The following RNF220 variants were observed in gnomAD, a reference collection of about 807,000 sequenced individuals.
RNF220 encodes the protein ring finger protein 220.
RNF220 carries 7 observed loss-of-function variants against 67.1 expected under a neutral mutation model. The observed-to-expected ratio is 0.10, with a 90% CI of 0.06 to 0.20. The LOEUF (loss-of-function observed/expected upper bound fraction) is 0.20. Among genes scored for constraint, RNF220 ranks in the 10% least tolerant of loss-of-function variants. The probability of loss-of-function intolerance (pLI) is 1.00; values close to 1 mark genes in which losing one functional copy is unlikely to be tolerated. For synonymous variants in RNF220, 270 were observed against 283.2 expected (o/e 0.95, Z 0.47); for missense variants, 565 against 740.3 (o/e 0.76, Z 2.75).
intron 5 of RNF220, chr1:44,631,771 C>T: frequency 2.7e-6 from 1 of 372,402 alleles, no homozygotes; most frequent in Non-Finnish European, 3.7e-6. Flanking sequence ...CGGGAGGGGT[C>T]GTGGAGTGGG....
At chr1:44,525,388 C>T (rs546484291) in intron 2 of RNF220, among the ~76,000 whole-genome samples, 13 of 152,288 alleles carry the variant, frequency 8.5e-5, no homozygotes, top group Non-Finnish European at 1.5e-4. Context: ...GCTCAGCAGA[C>T]GCATCTCATC....
At chr1:44,644,843 A>G (rs746181029) in intron 9 of RNF220, 49 bp downstream of exon 9, 22 of 1,556,016 alleles carry the variant, frequency 1.4e-5, no homozygotes, top group Non-Finnish European at 2.0e-5. Context: ...GGGCAGGCAC[A>G]GGGAATAAGA....
chr1:44,645,455 T>C lies in RNF220; in HGVS notation c.1412T>C (p.Met471Thr), dbSNP rs1644613203. Residue 471 changes from methionine (M) to threonine (T), a missense_variant, in exon 12 of 15, where the codon ATG (methionine) becomes ACG (threonine). By Grantham distance (81) the Met-to-Thr change is moderately conservative. Transcript: ENST00000361799. This position sits in a 1 kb window ranked among gnomAD's most constrained non-coding sequence, Gnocchi z 5.0. ...GGTGAAAGCAGCAAGCAGGAGGCCATGCAGAAGACCTGCAAGAACAGCGAC... is the reference window on the plus strand; with the variant it reads ...GGTGAAAGCAGCAAGCAGGAGGCCACGCAGAAGACCTGCAAGAACAGCGAC... Reference protein sequence around the residue: ...SNGESSKQEAMQKTCKNSDIE... With the variant: ...SNGESSKQEATQKTCKNSDIE... The C allele has an allele frequency of 1.9e-6, 3 of 1,614,044 alleles. No individual in the cohort carries two copies. The highest frequency in any genetic ancestry group is 2.5e-6 in the Non-Finnish European group (3 of 1,180,010).
intron 2 of RNF220, among the ~76,000 whole-genome samples, chr1:44,441,421 A>G (rs1651540041): frequency 6.6e-6 from 1 of 152,232 alleles, no homozygotes; most frequent in African/African-American, 2.4e-5. Flanking sequence ...CTAAGCTGGC[A>G]TGAGTGAATG....
At chr1:44,421,606 C>G (rs1649224206) in intron 2 of RNF220, among the ~76,000 whole-genome samples, 1 of 37,452 alleles carries the variant, frequency 2.7e-5, no homozygotes, top group Non-Finnish European at 5.3e-5. Context: ...GGGGGGCTGC[C>G]TGGGGAGGGA....
In RNF220 at chr1:44,635,561, G is replaced by T; in HGVS notation, c.966G>T (p.Met322Ile). 6.2e-7 allele frequency: 1 copy of T among 1,614,174 alleles called. No homozygotes were observed. The highest frequency in any genetic ancestry group is 8.5e-7 in the Non-Finnish European group (1 of 1,179,992). ...QTRLNARIGKMKRRKQDEGQR... is the reference protein window; with the variant it reads ...QTRLNARIGKIKRRKQDEGQR... Reference sequence around the variant, plus strand: ...CCCGTGCAGCTCGGATTGGGAAAATGAAACGGAGGAAGCAAGATGAAGGGC... The same window carrying T: ...CCCGTGCAGCTCGGATTGGGAAAATTAAACGGAGGAAGCAAGATGAAGGGC... Residue 322 changes from methionine to isoleucine, a missense_variant, in exon 7 of 15, where the codon ATG (methionine) becomes ATT (isoleucine). Physicochemically the swap from Met to Ile is conservative, Grantham distance 10. Transcript: ENST00000361799.
intron 2 of RNF220, among the ~76,000 whole-genome samples, chr1:44,445,417 C>T (rs1273112763): frequency 6.6e-6 from 1 of 152,142 alleles, no homozygotes. Flanking sequence ...CTCTCCATTG[C>T]CCTTGAAGTT....
chr1:44,598,999 T>C (rs2148393749), intron 2 of RNF220, among the ~76,000 whole-genome samples: 1 of 152,014 alleles, frequency 6.6e-6, no homozygotes, highest in East Asian at 1.9e-4. Context: ...CCTGCAGGCC[T>C]TTCACTCCCA....
intron 2 of RNF220, among the ~76,000 whole-genome samples, chr1:44,533,615 A>C (rs568906911): frequency 6.6e-6 from 1 of 152,362 alleles, no homozygotes; most frequent in Admixed American, 6.5e-5. Flanking sequence ...AGGGACCACA[A>C]AGAATAAGAC....
chr1:44,554,231 C>T (rs1456851942), intron 2 of RNF220, among the ~76,000 whole-genome samples: 1 of 152,052 alleles, frequency 6.6e-6, no homozygotes, highest in East Asian at 1.9e-4. Flanking sequence ...TCTTCTTATC[C>T]ACTCAGGCTT....
In RNF220 at chr1:44,632,418, C is replaced by T. The variant is rs760232351; in HGVS notation, c.949+33C>T. 3.2e-6 allele frequency: 5 copies of T among 1,561,582 alleles called. No homozygotes were observed. In the African/African-American group the frequency reaches 4.1e-5, roughly 13 times the overall value. ...CTGCCCGGCCCCTCCCTCCGCCCCA[C>T]CCCCGGCCTCCTCCCTCCCTCCCTC... On this transcript the variant is annotated intron_variant, in intron 6 of 14. Coordinates refer to ENST00000361799, the MANE Select transcript of RNF220 (RefSeq NM_018150.4).
At chr1:44,487,333 TC>T in intron 2 of RNF220, among the ~76,000 whole-genome samples, 1 of 75,678 alleles carries the variant, frequency 1.3e-5, no homozygotes, top group African/African-American at 4.7e-5. Flanking sequence ...AGACTCTGTC[TC>T]AAAAATAAAT....
In RNF220 at chr1:44,600,492, G is replaced by A. The variant is rs547045510; in HGVS notation, c.626-13673G>A. 1.5e-3 allele frequency among the ~76,000 whole-genome samples: 222 copies of A among 152,238 alleles called. No homozygotes were observed. Among genetic ancestry groups the A allele is most frequent in the South Asian group, 0.012 (60 of 4,816 alleles). ...ATGGGCAAACTAAGAACTTCTCTAC[G>A]CCTCTGTTTCCTTACTTATAAAATA... is the stretch of plus-strand genomic sequence containing the variant. On this transcript the variant is annotated intron_variant, in intron 2 of 14. Coordinates refer to ENST00000361799, the MANE Select transcript of RNF220 (RefSeq NM_018150.4). This position sits in a 1 kb window ranked among gnomAD's most constrained non-coding sequence, Gnocchi z 4.0.
chr1:44,472,502 C>T (rs1288227249), intron 2 of RNF220, among the ~76,000 whole-genome samples: 2 of 152,168 alleles, frequency 1.3e-5, no homozygotes, highest in Non-Finnish European at 2.9e-5. Context: ...TGATACTGAG[C>T]ATCTTTTCAT....
chr1:44,547,291 T>C (rs1662243517), intron 2 of RNF220, among the ~76,000 whole-genome samples: 1 of 152,220 alleles, frequency 6.6e-6, no homozygotes, highest in South Asian at 2.1e-4. Context: ...CTCAAAGGCT[T>C]TTTTATATTT....
chr1:44,591,404 TAA>T (rs918471465), intron 2 of RNF220, among the ~76,000 whole-genome samples: 1 of 152,252 alleles, frequency 6.6e-6, no homozygotes, highest in African/African-American at 2.4e-5. Context: ...CTAAGGAATC[TAA>T]GTCCTTTCAA....
chr1:44,442,366 C>T (rs963231975), intron 2 of RNF220, among the ~76,000 whole-genome samples: 4 of 152,152 alleles, frequency 2.6e-5, no homozygotes, highest in South Asian at 4.1e-4. Flanking sequence ...TGGTCTCCAA[C>T]TCTTGGGCTC....
rs201292571 is a variant in RNF220, at chr1:44,644,656, T to G, written c.1127-42T>G. On this transcript the variant is annotated intron_variant, in intron 8 of 14. Transcript: ENST00000361799. ...GGCAACAGGAGGGGCACCCTTGGCC[T>G]CGTCTTGTCCCCAGGCCCTCCTCAC... The G allele has an allele frequency of 3.2e-6, 5 of 1,550,512 alleles. No individual in the cohort carries two copies. In the Admixed American group the frequency reaches 5.0e-5, roughly 16 times the overall value.
intron 2 of RNF220, among the ~76,000 whole-genome samples, chr1:44,475,456 G>A (rs909893841): frequency 6.6e-5 from 10 of 150,868 alleles, no homozygotes; most frequent in Non-Finnish European, 1.2e-4. Context: ...TGTAATCCCA[G>A]CTACTCAGGA....
Sources: gnomAD v4.1 joint callset for allele counts (sites outside exome capture counted in the v4.1 genomes callset) on GRCh38, gnomAD v4.1.1 for gene constraint, Gnocchi (gnomAD v3.1) non-coding constraint, MANE v1.5 for transcripts, NCBI Gene and HGNC (gene_info 2026-07-23, HGNC 2026-07-21) for gene names.